PATJ: variants seen among roughly 807,000 people sequenced by gnomAD.
PATJ encodes inaD-like protein.
Under a neutral mutation model 224.9 loss-of-function variants are expected in PATJ, and 190 were observed. That is an observed-to-expected ratio of 0.84 (90% confidence interval 0.75 to 0.95). The LOEUF (loss-of-function observed/expected upper bound fraction) is 0.95. Ranked by LOEUF, PATJ falls within the 40% of genes least tolerant of loss-of-function variation. PATJ has a pLI of 0.00. For synonymous variants in PATJ, 769 were observed against 820.3 expected, an observed-to-expected ratio of 0.94 and a Z score of 1.07; for missense variants, 2,121 against 2,270.3, an observed-to-expected ratio of 0.93 and a Z score of 1.34.
intron 31 of PATJ, among the ~76,000 whole-genome samples, chr1:62,077,747 A>G (rs538024297): frequency 1.6e-4 from 24 of 152,020 alleles, no homozygotes; most frequent in Non-Finnish European, 2.8e-4. Context: ...AAAAAACTCC[A>G]TAGAATCATT....
At position 62,098,963 on chromosome 1, in the gene PATJ, A is replaced by G. The variant is rs140196674; in HGVS notation, c.4378-9474A>G. ...CTATCAGCTTTGCTCAAAGTGAAAT[A>G]TACTTTAAAAGTTTTAACCTAACCC... On this transcript the variant is annotated intron_variant, in intron 33 of 43. Coordinates refer to ENST00000642238, the MANE Select transcript of PATJ (RefSeq NM_001350145.3). 3.8e-3 allele frequency among the ~76,000 whole-genome samples: 585 copies of G among 152,294 alleles called. 2 individuals carry two copies. The highest frequency in any genetic ancestry group is 0.014 in the African/African-American group (569 of 41,560).
chr1:61,925,915 C>T (rs776762911), intron 26 of PATJ, among the ~76,000 whole-genome samples: 2 of 152,122 alleles, frequency 1.3e-5, no homozygotes, highest in African/African-American at 4.8e-5. Context: ...AAAACTGTAA[C>T]CTTTGAAGTG....
At chr1:62,028,472 G>A (rs559221632) in intron 29 of PATJ, among the ~76,000 whole-genome samples, 20 of 152,306 alleles carry the variant, frequency 1.3e-4, no homozygotes, top group Admixed American at 3.9e-4. Context: ...TGGTGTTCTA[G>A]TTGAAAATCC....
intron 34 of PATJ, among the ~76,000 whole-genome samples, chr1:62,111,494 A>T (rs940218606): frequency 3.9e-5 from 6 of 152,170 alleles, no homozygotes; most frequent in African/African-American, 1.4e-4. Context: ...CAAATGATTT[A>T]CAGGGTTTAT....
At chr1:61,814,962 A>C (rs1655808556) in intron 14 of PATJ, among the ~76,000 whole-genome samples, 1 of 152,236 alleles carries the variant, frequency 6.6e-6, no homozygotes, top group Non-Finnish European at 1.5e-5. Flanking sequence ...CATCTGTGGG[A>C]AGCAAAATGG....
intron 20 of PATJ, among the ~76,000 whole-genome samples, chr1:61,869,183 T>C (rs1293516622): frequency 2.1e-5 from 3 of 142,284 alleles, no homozygotes; most frequent in African/African-American, 8.1e-5. Flanking sequence ...CTCGGCTCAC[T>C]GCAAGCTCCG....
chr1:61,819,057 T>C (rs552487593), intron 14 of PATJ, among the ~76,000 whole-genome samples: 1 of 152,316 alleles, frequency 6.6e-6, no homozygotes, highest in Non-Finnish European at 1.5e-5. Context: ...ACCAGAAATT[T>C]AGCAATTATC....
chr1:61,943,195 C>T (rs185069610), intron 27 of PATJ, among the ~76,000 whole-genome samples: 16 of 152,314 alleles, frequency 1.1e-4, no homozygotes, highest in Non-Finnish European at 1.3e-4. Flanking sequence ...GCGTGAACAA[C>T]GCAGAAGTTG....
chr1:62,075,847 G>T lies in PATJ; in HGVS notation c.4126-3603G>T, dbSNP rs572723383. Among the ~76,000 whole-genome samples the T allele has an allele frequency of 3.3e-5, 5 of 151,962 alleles. No homozygotes were observed. The South Asian group carries it at 1.0e-3, about 32-fold the overall frequency. ...GCAGGAGAATGATGTGAACCCGAGA[G>T]GCAGAGCTTGCAGTGACCAGAGATC... On this transcript the variant is annotated intron_variant, in intron 31 of 43. Transcript: ENST00000642238.
At chr1:61,943,359 CAG>C (rs1019775568) in intron 27 of PATJ, among the ~76,000 whole-genome samples, 2 of 152,162 alleles carry the variant, frequency 1.3e-5, no homozygotes, top group Non-Finnish European at 2.9e-5. Flanking sequence ...AAAGCTGTGA[CAG>C]AGGGTACCTG....
chr1:61,944,870 C>T (rs1385215660), intron 27 of PATJ, among the ~76,000 whole-genome samples: 3 of 152,276 alleles, frequency 2.0e-5, no homozygotes, highest in South Asian at 2.1e-4. Context: ...AGACTAACAG[C>T]GGATCTCTCA....
chr1:61,808,564 AT>A (rs147544330), intron 14 of PATJ, 34 bp downstream of exon 14: 79 of 1,420,174 alleles, frequency 5.6e-5, no homozygotes, highest in Non-Finnish European at 6.7e-5. Context: ...TAACAGTTTT[AT>A]TTTTTTTAAG....
chr1:61,777,699 CTTTCTTTT>C (rs1353777870), intron 7 of PATJ, among the ~76,000 whole-genome samples: 95 of 80,076 alleles, frequency 1.2e-3, no homozygotes, highest in East Asian at 5.1e-3. Context: ...TTCTTTCTTT[CTTTCTTTT>C]TTTTTTTTTT....
chr1:62,042,454 A>G (rs979046000), intron 30 of PATJ, among the ~76,000 whole-genome samples: 2 of 152,152 alleles, frequency 1.3e-5, no homozygotes, highest in African/African-American at 2.4e-5. Context: ...TCTATTGAGT[A>G]CTAAAGCATA....
intron 27 of PATJ, among the ~76,000 whole-genome samples, chr1:61,987,857 T>C (rs754903856): frequency 6.6e-6 from 1 of 152,322 alleles, no homozygotes; most frequent in Middle Eastern, 3.4e-3. Flanking sequence ...TAAATTTTGC[T>C]AATTCCAAAA....
At chr1:62,035,636 A>G (rs1650250797) in intron 29 of PATJ, among the ~76,000 whole-genome samples, 1 of 143,414 alleles carries the variant, frequency 7.0e-6, no homozygotes, top group African/African-American at 2.6e-5. Context: ...TTCAATAACT[A>G]TGTTAAGCAC....
intron 20 of PATJ, among the ~76,000 whole-genome samples, chr1:61,874,008 G>A (rs932434921): frequency 2.6e-5 from 4 of 151,938 alleles, no homozygotes; most frequent in Admixed American, 2.6e-4. Context: ...TCTTCAGTGT[G>A]TCCGTGTGCC....
At position 61,758,256 on chromosome 1, in the gene PATJ, T is replaced by C. The variant is rs555295312; in HGVS notation, c.-35-4602T>C. 5.3e-5 allele frequency among the ~76,000 whole-genome samples: 8 copies of C among 152,296 alleles called. No homozygotes were observed. In the South Asian group the frequency reaches 1.2e-3, roughly 24 times the overall value. On this transcript the variant is annotated intron_variant, in intron 1 of 43. Transcript: ENST00000642238. The stretch of plus-strand genomic sequence containing the variant: ...CCAAAGAATTTCACTTTCTTCTACA[T>C]TGGGACATATTATCAACATACTGAA...
intron 27 of PATJ, among the ~76,000 whole-genome samples, chr1:61,955,722 C>T (rs1680347417): frequency 6.6e-6 from 1 of 152,146 alleles, no homozygotes; most frequent in African/African-American, 2.4e-5. Context: ...TTCTTCAACA[C>T]ATATAATGTT....
Sources: gnomAD v4.1 joint callset for allele counts (sites outside exome capture counted in the v4.1 genomes callset) on GRCh38, gnomAD v4.1.1 for gene constraint, MANE v1.5 for transcripts, NCBI Gene and HGNC (gene_info 2026-07-23, HGNC 2026-07-21) for gene names.